CCDC77: variants seen among roughly 807,000 people sequenced by gnomAD.
CCDC77 encodes coiled-coil domain containing 77, also known as coiled-coil domain-containing protein 77.
CCDC77 carries 56 observed loss-of-function variants against 66.8 expected under a neutral mutation model. The observed-to-expected ratio is 0.84, with a 90% CI of 0.68 to 1.05. The LOEUF is 1.05. CCDC77 is among the 50% of genes least tolerant of loss of function. The pLI is 0.00. For synonymous variants in CCDC77, 196 were observed against 195.2 expected (o/e 1.00, Z -0.03); for missense variants, 570 against 576.8 (o/e 0.99, Z 0.12).
intron 3 of CCDC77, among the ~76,000 whole-genome samples, chr12:410,430 G>T (rs924089303): frequency 5.3e-5 from 8 of 151,518 alleles, no homozygotes; most frequent in African/African-American, 1.9e-4. Context: ...ACCAGGCCCG[G>T]CTGATTTTTG....
chr12:418,436 A>G (rs770267690), intron 4 of CCDC77, 58 bp from the exon 5 acceptor site: 40 of 1,541,778 alleles, frequency 2.6e-5, no homozygotes, highest in Non-Finnish European at 3.6e-5. Context: ...CTATCCAGTG[A>G]GAGATACTCC....
At chr12:390,133 A>C (rs1297491783) in intron 1 of CCDC77, 4 of 151,980 alleles carry the variant, frequency 2.6e-5, no homozygotes, top group Non-Finnish European at 5.9e-5. Flanking sequence ...AAAAAAAAAA[A>C]AAAAAAAAAA....
At chr12:414,625 C>A (rs1247182355) in intron 4 of CCDC77, among the ~76,000 whole-genome samples, 1 of 152,158 alleles carries the variant, frequency 6.6e-6, no homozygotes, top group Non-Finnish European at 1.5e-5. Flanking sequence ...CCTCCCTTCC[C>A]CACCCGCACA....
intron 3 of CCDC77, among the ~76,000 whole-genome samples, chr12:411,312 T>C (rs1447234176): frequency 6.6e-6 from 1 of 152,014 alleles, no homozygotes; most frequent in Non-Finnish European, 1.5e-5. Context: ...TAGCTGGAAC[T>C]ACAGGCGTGC....
At position 415,458 on chromosome 12, in the gene CCDC77, AATT is replaced by A. The variant is rs1247588049; in HGVS notation, c.271-3031_271-3029del. ...CATAATAATATGTTAATATTAACAT[AATT>A]ATTAACATAATAATATGTTGATATT... On this transcript the variant is annotated intron_variant, in intron 4 of 12. Transcript: ENST00000239830. 4.1e-4 allele frequency among the ~76,000 whole-genome samples: 52 copies of A among 125,718 alleles called. 2 individuals are homozygous for A. The highest frequency in any genetic ancestry group is 3.6e-3 in the East Asian group (18 of 5,008). 82.5% of individuals were successfully genotyped at this position (125,718 alleles called of 152,430 possible). A position where few individuals can be genotyped will look rare whatever the true frequency, so the allele number is the denominator to read the frequency against.
chr12:439,991 G>A (rs2120355056), intron 10 of CCDC77, among the ~76,000 whole-genome samples: 1 of 152,188 alleles, frequency 6.6e-6, no homozygotes, highest in African/African-American at 2.4e-5. Flanking sequence ...TCCTGGCAGA[G>A]GGAAGAGCAA....
intron 4 of CCDC77, among the ~76,000 whole-genome samples, chr12:412,416 G>C (rs933950600): frequency 3.3e-5 from 5 of 152,222 alleles, no homozygotes; most frequent in African/African-American, 1.2e-4. Context: ...CAAAAACTGA[G>C]CTGTGGCATC....
At chr12:422,467 T>C (rs1422061121) in intron 5 of CCDC77, among the ~76,000 whole-genome samples, 4 of 152,248 alleles carry the variant, frequency 2.6e-5, no homozygotes, top group Non-Finnish European at 5.9e-5. Flanking sequence ...CACACTATGC[T>C]ACTTTTCGTC....
intron 5 of CCDC77, among the ~76,000 whole-genome samples, chr12:425,911 C>T (rs1945519794): frequency 6.6e-6 from 1 of 152,186 alleles, no homozygotes. Flanking sequence ...GTCACCCAGG[C>T]TGGAGTGCAG....
chr12:418,378 TGG>T (rs1411016268), intron 4 of CCDC77, 114 bp from the exon 5 acceptor site: 17 of 1,022,678 alleles, frequency 1.7e-5, no homozygotes, highest in African/African-American at 3.2e-5. Context: ...AATTCTGTAT[TGG>T]CAAAATTATT....
At chr12:436,229 T>C (rs963394473) in intron 9 of CCDC77, among the ~76,000 whole-genome samples, 1 of 150,460 alleles carries the variant, frequency 6.6e-6, no homozygotes, top group African/African-American at 2.4e-5. Flanking sequence ...GCCATTCTCC[T>C]GCCTCAGCCT....
chr12:433,219 C>T lies in CCDC77; in HGVS notation c.718C>T (p.Arg240Ter), dbSNP rs368391387. 1.1e-5 allele frequency: 17 copies of T among 1,613,604 alleles called. No homozygotes were observed. Among genetic ancestry groups the T allele is most frequent in the East Asian group, 4.5e-5 (2 of 44,884 alleles). The change falls in exon 9 of 13, where the codon CGA becomes TGA. Residue 240 changes from arginine to a stop codon, truncating the protein, a stop_gained. Coordinates refer to ENST00000239830, the MANE Select transcript of CCDC77 (RefSeq NM_032358.4). LOFTEE classifies it high-confidence loss of function. ...AQLGEQTKLS[R>*]EQIEGLIEDR... ...GCTGGGAGAGCAGACCAAACTTTCT[C>T]GAGAACAAATTGAAGGGCTCATCGA... is the stretch of plus-strand genomic sequence containing the variant.
chr12:415,383 A>ATG (rs1312764951), intron 4 of CCDC77, among the ~76,000 whole-genome samples: 12 of 104,544 alleles, frequency 1.1e-4, no homozygotes, highest in South Asian at 7.1e-4. Context: ...TCAACATAAT[A>ATG]TTATGTTAAT....
intron 4 of CCDC77, among the ~76,000 whole-genome samples, chr12:414,868 G>C (rs967156971): frequency 5.3e-5 from 8 of 152,114 alleles, no homozygotes; most frequent in African/African-American, 1.7e-4. Flanking sequence ...CTGTGACGGT[G>C]TCCTCCTTGC....
intron 8 of CCDC77, 71 bp from the exon 9 acceptor site, chr12:433,103 C>A: frequency 1.4e-6 from 2 of 1,461,508 alleles, no homozygotes; most frequent in Non-Finnish European, 1.9e-6. Context: ...TGGAGAAAGG[C>A]TCACTTTTCC....
chr12:441,107 T>C, intron 12 of CCDC77, 111 bp downstream of exon 12: 1 of 1,108,758 alleles, frequency 9.0e-7, no homozygotes, highest in Non-Finnish European at 1.3e-6. Flanking sequence ...TGGTAAACAC[T>C]AACAGATCAC....
At chr12:392,747 A>AC (rs113520141) in intron 1 of CCDC77, among the ~76,000 whole-genome samples, 3 of 100,546 alleles carry the variant, frequency 3.0e-5, no homozygotes, top group African/African-American at 2.0e-4. Context: ...TCTGTCTCAC[A>AC]AAAAAAAAAA....
chr12:425,588 G>A (rs922598387), intron 5 of CCDC77, among the ~76,000 whole-genome samples: 1 of 151,814 alleles, frequency 6.6e-6, no homozygotes, highest in Non-Finnish European at 1.5e-5. Context: ...GTCTCCTTTC[G>A]GGCATTGTGC....
At chr12:411,214 G>C (rs557717185) in intron 3 of CCDC77, among the ~76,000 whole-genome samples, 2 of 150,160 alleles carry the variant, frequency 1.3e-5, no homozygotes, top group Non-Finnish European at 3.0e-5. Flanking sequence ...TCGCTCTGTC[G>C]CCAGGCTGGA....
Sources: gnomAD v4.1 joint callset for allele counts (sites outside exome capture counted in the v4.1 genomes callset) on GRCh38, gnomAD v4.1.1 for gene constraint, MANE v1.5 for transcripts, NCBI Gene and HGNC (gene_info 2026-07-23, HGNC 2026-07-21) for gene names.